The following CAB39L variants were observed in gnomAD, a reference collection of about 807,000 sequenced individuals.
CAB39L encodes the protein calcium binding protein 39 like, also known as calcium-binding protein 39-like.
Under a neutral mutation model 39.1 loss-of-function variants are expected in CAB39L, and 23 were observed. The observed-to-expected ratio is 0.59, with a 90% CI of 0.42 to 0.83. The LOEUF (loss-of-function observed/expected upper bound fraction) is 0.83, where lower values mean the gene tolerates loss of function less well. Ranked by LOEUF, CAB39L falls within the 40% of genes least tolerant of loss-of-function variation. CAB39L has a pLI of 0.00. For synonymous variants in CAB39L, 126 were observed against 137.2 expected (o/e 0.92, Z 0.57); for missense variants, 366 against 391.9 (o/e 0.93, Z 0.56).
chr13:49,419,121 C>T (rs1474566735), intron 3 of CAB39L, among the ~76,000 whole-genome samples: 1 of 151,886 alleles, frequency 6.6e-6, no homozygotes, highest in Non-Finnish European at 1.5e-5. Flanking sequence ...GTGCATGCCA[C>T]CATGCCTGGC....
chr13:49,309,934 G>A lies in CAB39L; in HGVS notation c.*880C>T, dbSNP rs1953938901. 6.6e-6 allele frequency: 1 copy of A among 152,094 alleles called. No individual in the cohort carries two copies. 9.4% of individuals were successfully genotyped at this position (152,094 alleles called of 1,614,324 possible). A position where few individuals can be genotyped will look rare whatever the true frequency, so the allele number is the denominator to read the frequency against. Reference sequence around the variant, plus strand: ...CTGGACCCATGGTTTGTGCCTGCTGGGCATCCCACTATGCTGATTCCTACT... The same window carrying A: ...CTGGACCCATGGTTTGTGCCTGCTGAGCATCCCACTATGCTGATTCCTACT... On this transcript the variant is annotated 3_prime_UTR_variant, in exon 11 of 11. Coordinates refer to ENST00000409308, the MANE Select transcript of CAB39L (RefSeq NM_001079670.3).
chr13:49,346,075 G>GATATATATATATATATATGCTAGATAT (rs1566079127), intron 7 of CAB39L, among the ~76,000 whole-genome samples: 1 of 81,498 alleles, frequency 1.2e-5, no homozygotes, highest in African/African-American at 4.6e-5. Context: ...ATATATGCTA[G>GATATATATATATATATATGCTAGATAT]ATATATATAT....
At chr13:49,346,292 T>C (rs756921227) in intron 7 of CAB39L, among the ~76,000 whole-genome samples, 8 of 137,068 alleles carry the variant, frequency 5.8e-5, no homozygotes, top group Non-Finnish European at 9.3e-5. Flanking sequence ...ACATAATACA[T>C]AGACAAATAT....
At chr13:49,357,290 T>C (rs1566087052) in intron 6 of CAB39L, among the ~76,000 whole-genome samples, 1 of 152,212 alleles carries the variant, frequency 6.6e-6, no homozygotes, top group Non-Finnish European at 1.5e-5. Context: ...TCTCTGAGTT[T>C]CAGTTTCCTC....
At chr13:49,318,270 C>T (rs1214863490) in intron 10 of CAB39L, among the ~76,000 whole-genome samples, 1 of 151,108 alleles carries the variant, frequency 6.6e-6, no homozygotes, top group Admixed American at 6.6e-5. Context: ...AAGTTCAAGA[C>T]CAGCCTGAGC....
chr13:49,353,599 C>T (rs1955414058), intron 6 of CAB39L, among the ~76,000 whole-genome samples: 1 of 152,050 alleles, frequency 6.6e-6, no homozygotes, highest in Non-Finnish European at 1.5e-5. Flanking sequence ...AATGCCATCT[C>T]CTCCTTGAAG....
intron 5 of CAB39L, among the ~76,000 whole-genome samples, chr13:49,373,515 G>A (rs902420734): frequency 5.9e-5 from 9 of 152,136 alleles, no homozygotes; most frequent in African/African-American, 2.2e-4. Context: ...ATCCAAAGAA[G>A]CACCAGGAGA....
At chr13:49,326,698 C>T (rs1954511880) in intron 10 of CAB39L, among the ~76,000 whole-genome samples, 4 of 152,128 alleles carry the variant, frequency 2.6e-5, no homozygotes, top group African/African-American at 7.2e-5. Context: ...AGCCGGGGTA[C>T]GGGGCAGGCC....
At chr13:49,397,910 C>G (rs1956676768) in intron 3 of CAB39L, among the ~76,000 whole-genome samples, 1 of 152,060 alleles carries the variant, frequency 6.6e-6, no homozygotes. Flanking sequence ...TTCATTCTTT[C>G]TTGTAAGCAC....
In CAB39L at chr13:49,359,811, T is replaced by A; in HGVS notation, c.298A>T (p.Ile100Leu). ...DFEGKKDVTQ[I>L]FNNILRRQIG... ...TGTCTTCTCAAGATGTTGTTAAATA[T>A]CTGGGTCACATCTTTTTTTCCCTGT... is the stretch of plus-strand genomic sequence containing the variant. The change falls in exon 6 of 11, where the codon ATA (isoleucine) becomes TTA (leucine). Residue 100 changes from isoleucine (I) to leucine (L), a missense_variant. By Grantham distance (5) the Ile-to-Leu change is conservative (BLOSUM62 2). Transcript: ENST00000409308. 1 of 1,610,422 alleles carries A rather than the reference T, an allele frequency of 6.2e-7. No homozygotes were observed. The highest frequency in any genetic ancestry group is 8.5e-7 in the Non-Finnish European group (1 of 1,176,922).
chr13:49,342,135 G>C (rs2138431153), intron 8 of CAB39L, among the ~76,000 whole-genome samples: 1 of 152,240 alleles, frequency 6.6e-6, no homozygotes, highest in South Asian at 2.1e-4. Context: ...CACCTTCCCA[G>C]TATTCAGGAG....
chr13:49,431,524 T>C (rs1041800470), intron 3 of CAB39L, among the ~76,000 whole-genome samples: 2 of 151,944 alleles, frequency 1.3e-5, no homozygotes, highest in Non-Finnish European at 2.9e-5. Context: ...CTGGCCACCA[T>C]GGTGAAACCC....
intron 1 of CAB39L, among the ~76,000 whole-genome samples, chr13:49,437,030 C>G (rs966672153): frequency 6.6e-6 from 1 of 152,202 alleles, no homozygotes; most frequent in African/African-American, 2.4e-5. Context: ...CTTGGCCTCT[C>G]AAAGGGCTGG....
intron 10 of CAB39L, among the ~76,000 whole-genome samples, chr13:49,319,737 T>C (rs1954292046): frequency 6.6e-6 from 1 of 152,002 alleles, no homozygotes; most frequent in Non-Finnish European, 1.5e-5. Context: ...TGGTTACCAT[T>C]TGTTTACAAG....
At chr13:49,423,301 A>T (rs1272179756) in intron 3 of CAB39L, among the ~76,000 whole-genome samples, 2 of 152,252 alleles carry the variant, frequency 1.3e-5, no homozygotes, top group Non-Finnish European at 2.9e-5. Flanking sequence ...CCACATTTTG[A>T]GAACCACTGC....
chr13:49,376,137 T>G (rs1423062535), intron 5 of CAB39L, among the ~76,000 whole-genome samples: 1 of 152,248 alleles, frequency 6.6e-6, no homozygotes, highest in Non-Finnish European at 1.5e-5. Flanking sequence ...TTCCTTCCAC[T>G]TATTCAGTGA....
chr13:49,428,625 A>G (rs1957276242), intron 3 of CAB39L, among the ~76,000 whole-genome samples: 1 of 152,108 alleles, frequency 6.6e-6, no homozygotes, highest in Non-Finnish European at 1.5e-5. Flanking sequence ...ACAGGGAGGG[A>G]AAGGGGGAAC....
At chr13:49,391,349 G>A (rs1034445536) in intron 3 of CAB39L, among the ~76,000 whole-genome samples, 1 of 152,152 alleles carries the variant, frequency 6.6e-6, no homozygotes, top group African/African-American at 2.4e-5. Context: ...AGGAGAAACA[G>A]AAAAATGAGA....
chr13:49,314,340 C>T (rs1282442089), intron 10 of CAB39L, among the ~76,000 whole-genome samples: 1 of 152,184 alleles, frequency 6.6e-6, no homozygotes, highest in Non-Finnish European at 1.5e-5. Context: ...TGCTGGAGAA[C>T]ATCAGCAGCT....
Sources: gnomAD v4.1 joint callset for allele counts (sites outside exome capture counted in the v4.1 genomes callset) on GRCh38, gnomAD v4.1.1 for gene constraint, MANE v1.5 for transcripts, NCBI Gene and HGNC (gene_info 2026-07-23, HGNC 2026-07-21) for gene names.